Variants in MXD3 observed in about 807,000 individuals in gnomAD.
MXD3 encodes the protein Max-associated protein 3.
MXD3 carries 20 observed loss-of-function variants against 27.5 expected under a neutral mutation model. That is an observed-to-expected ratio of 0.73 (90% confidence interval 0.51 to 1.06). The LOEUF (loss-of-function observed/expected upper bound fraction) is 1.06, where lower values mean the gene tolerates loss of function less well. MXD3 is among the 50% of genes least tolerant of loss of function. The probability of loss-of-function intolerance (pLI) is 0.00; values close to 1 mark genes in which losing one functional copy is unlikely to be tolerated. For synonymous variants in MXD3, 150 were observed against 130.7 expected, an observed-to-expected ratio of 1.15 and a Z score of -1.01; for missense variants, 298 against 291.3, an observed-to-expected ratio of 1.02 and a Z score of -0.17.
chr5:177,307,033 A>G (rs1485738927), downstream of MXD3: 2 of 1,446,618 alleles, frequency 1.4e-6, no homozygotes, highest in South Asian at 1.5e-5. Context: ...CACGTCACTC[A>G]GCCTCATTTC....
intron 4 of MXD3, 179 bp from the exon 5 acceptor site, chr5:177,308,143 G>A (rs1406657485): frequency 1.2e-5 from 7 of 607,696 alleles, no homozygotes; most frequent in East Asian, 2.8e-5. Context: ...GCCCCTTTCC[G>A]GCCATGCACA....
chr5:177,311,184 C>G (rs985178449), intron 2 of MXD3, 195 bp downstream of exon 2: 1 of 520,806 alleles, frequency 1.9e-6, no homozygotes, highest in African/African-American at 2.0e-5. Flanking sequence ...TCTAGAGGTG[C>G]TCAAGAAATA....
chr5:177,305,893 A>C, downstream of MXD3: 2 of 1,614,082 alleles, frequency 1.2e-6, no homozygotes, highest in Non-Finnish European at 1.7e-6. Context: ...CGATGTGTTT[A>C]CTGTGTGAAC....
At chr5:177,307,178 C>T (rs149685981), downstream of MXD3, 20,466 of 1,550,038 alleles carry the variant, frequency 0.013, 186 homozygotes, top group Non-Finnish European at 0.017. Flanking sequence ...GGAGTTCCCC[C>T]GTTTTCATTA....
At chr5:177,309,011 G>A (rs528816774) in intron 4 of MXD3, among the ~76,000 whole-genome samples, 31 of 152,304 alleles carry the variant, frequency 2.0e-4, no homozygotes, top group African/African-American at 6.7e-4. Context: ...TGGACTGGGC[G>A]TAGAAAGATA....
chr5:177,308,957 T>C (rs1406541683), intron 4 of MXD3, among the ~76,000 whole-genome samples: 1 of 152,108 alleles, frequency 6.6e-6, no homozygotes, highest in Non-Finnish European at 1.5e-5. Context: ...AAGCTTACAT[T>C]CGGTCATTCA....
downstream of MXD3, chr5:177,306,836 T>C (rs983062533): frequency 1.5e-5 from 11 of 728,392 alleles, no homozygotes; most frequent in Non-Finnish European, 2.4e-5. Flanking sequence ...GCAGGTTAAC[T>C]GGCGGTAAGT....
chr5:177,312,557 CT>C, upstream of MXD3: 1 of 985,478 alleles, frequency 1.0e-6, no homozygotes, highest in South Asian at 4.7e-5. Flanking sequence ...GGCTCCTGCC[CT>C]CCGGGGTCTG....
chr5:177,309,351 G>A (rs1480199854), intron 4 of MXD3, among the ~76,000 whole-genome samples: 2 of 152,196 alleles, frequency 1.3e-5, no homozygotes, highest in Non-Finnish European at 2.9e-5. Context: ...GGAGGCCGGT[G>A]AATTAATCCA....
chr5:177,312,527 G>T, upstream of MXD3: 1 of 985,454 alleles, frequency 1.0e-6, no homozygotes, highest in South Asian at 4.7e-5. Context: ...CGCAGGCGCC[G>T]GCGGAGGGGC....
At chr5:177,309,854 C>A (rs1193708899) in intron 4 of MXD3, among the ~76,000 whole-genome samples, 1 of 152,222 alleles carries the variant, frequency 6.6e-6, no homozygotes, top group Non-Finnish European at 1.5e-5. Flanking sequence ...TTCAGCACAT[C>A]CACTCCTGTC....
At chr5:177,312,025 C>T (rs937548476), upstream of MXD3, 4 of 1,260,116 alleles carry the variant, frequency 3.2e-6, no homozygotes, top group African/African-American at 6.4e-5. Context: ...AGCCCACCCT[C>T]CGGCAGCCGC....
At position 177,307,899 on chromosome 5, in the gene MXD3, G is replaced by A; in HGVS notation, c.387C>T (p.Ser129=). The change falls in exon 5 of 6, where the codon AGC becomes AGT. Residue 129 remains serine (S), a synonymous_variant. Coordinates refer to ENST00000439742, the MANE Select transcript of MXD3 (RefSeq NM_031300.4). ...LKERLRSKQQ[S]LQRQLEQLRG... The stretch of plus-strand genomic sequence containing the variant: ...GGAGCTGCTCCAGCTGCCGCTGCAG[G>A]CTCTGCTGCTTGCTGCGCAGCCTCT... 6.2e-7 allele frequency: 1 copy of A among 1,603,046 alleles called. No homozygotes were observed. Among genetic ancestry groups the A allele is most frequent in the Non-Finnish European group, 8.5e-7 (1 of 1,175,536 alleles).
In MXD3 at chr5:177,310,665, C is replaced by T; in HGVS notation, c.206+3G>A. The T allele has an allele frequency of 6.2e-7, 1 of 1,614,212 alleles. No homozygotes were observed. The highest frequency in any genetic ancestry group is 8.5e-7 in the Non-Finnish European group (1 of 1,180,024). ...GCGCTGTCAGGGCAGGACTGGGACTCACCTGCGCTTCTCCAGTTCATTGTG... is the reference window on the plus strand; with the variant it reads ...GCGCTGTCAGGGCAGGACTGGGACTTACCTGCGCTTCTCCAGTTCATTGTG... On this transcript the variant is annotated splice_donor_region_variant and intron_variant, in intron 3 of 5. Coordinates refer to ENST00000439742, the MANE Select transcript of MXD3 (RefSeq NM_031300.4).
Position 177,307,558 on chromosome 5 carries a change from A to G in MXD3, c.*30T>C, listed in dbSNP as rs745623954. On this transcript the variant is annotated 3_prime_UTR_variant, in exon 6 of 6. Transcript: ENST00000439742. Reference sequence around the variant, plus strand: ...TGGCAAGTGGGCCTGGCACGAGTAGAGGGCAGAGGCCCGCCCTGGGTGAGG... The same window carrying G: ...TGGCAAGTGGGCCTGGCACGAGTAGGGGGCAGAGGCCCGCCCTGGGTGAGG... 18 of 1,608,050 alleles carry G rather than the reference A, an allele frequency of 1.1e-5. No homozygotes were observed. The African/African-American group carries it at 2.1e-4, about 19-fold the overall frequency.
At chr5:177,311,993 C>T, upstream of MXD3, 1 of 1,293,324 alleles carries the variant, frequency 7.7e-7, no homozygotes, top group Non-Finnish European at 9.9e-7. Context: ...CTCCGCCCCT[C>T]TGGAACCCGC....
intron 2 of MXD3, 91 bp downstream of exon 2, chr5:177,311,288 A>G: frequency 3.4e-6 from 3 of 882,098 alleles, no homozygotes; most frequent in Non-Finnish European, 1.6e-6. Flanking sequence ...CACCTGGCCC[A>G]AAAGATGCAA....
downstream of MXD3, chr5:177,306,796 C>G (rs537147510): frequency 3.3e-5 from 27 of 816,622 alleles, no homozygotes; most frequent in African/African-American, 4.3e-4. Context: ...CACAGAGGTG[C>G]GGTGACTTGC....
downstream of MXD3, chr5:177,306,331 C>G (rs769078551): frequency 6.3e-7 from 1 of 1,594,792 alleles, no homozygotes; most frequent in African/African-American, 1.3e-5. Flanking sequence ...TTAGTGGAGC[C>G]TGGCCCAGAG....
Sources: gnomAD v4.1 joint callset for allele counts (sites outside exome capture counted in the v4.1 genomes callset) on GRCh38, gnomAD v4.1.1 for gene constraint, MANE v1.5 for transcripts, NCBI Gene and HGNC (gene_info 2026-07-23, HGNC 2026-07-21) for gene names.